The following SYNE1 variants were observed in gnomAD, a reference collection of about 807,000 sequenced individuals.
SYNE1 encodes the protein nesprin-1.
Under a neutral mutation model 1,111.0 loss-of-function variants are expected in SYNE1, and 616 were observed. That is an observed-to-expected ratio of 0.55 (90% confidence interval 0.52 to 0.59). SYNE1 has a LOEUF of 0.59. Among genes scored for constraint, SYNE1 ranks in the 20% least tolerant of loss-of-function variants. The pLI is 0.00. For missense variants in SYNE1, 10,006 were observed against 10,417.0 expected (o/e 0.96, Z 1.72); for synonymous variants, 3,855 against 3,825.8 (o/e 1.01, Z -0.28).
At chr6:152,471,839 A>C in intron 15 of SYNE1, 74 bp from the exon 16 acceptor site, 1 of 1,452,180 alleles carries the variant, frequency 6.9e-7, no homozygotes. Flanking sequence ...AACCTGTTAC[A>C]TGTCAGCCTT....
chr6:152,417,514 A>G (rs2098179438), intron 40 of SYNE1, among the ~76,000 whole-genome samples: 1 of 150,320 alleles, frequency 6.7e-6, no homozygotes, highest in African/African-American at 2.5e-5. Flanking sequence ...ACAAACAAAC[A>G]AACAAACAAA....
At chr6:152,602,796 A>G (rs890159968) in intron 3 of SYNE1, among the ~76,000 whole-genome samples, 7 of 152,204 alleles carry the variant, frequency 4.6e-5, no homozygotes, top group Non-Finnish European at 7.3e-5. Context: ...AGGAAAAAAG[A>G]AAGAAAAAAG....
rs143452760 is a variant in SYNE1 at position 152,244,576 on chromosome 6, C to T, written c.19653G>A (p.Gln6551=). 6.2e-7 allele frequency: 1 copy of T among 1,614,120 alleles called. No homozygotes were observed. The highest frequency in any genetic ancestry group is 8.5e-7 in the Non-Finnish European group (1 of 1,179,976). The change falls in exon 106 of 146, where the codon CAG becomes CAA. Residue 6551 remains glutamine, a synonymous_variant. Coordinates refer to ENST00000367255, the MANE Select transcript of SYNE1 (RefSeq NM_182961.4). Reference sequence around the variant, plus strand: ...GTTCTTGCATGGACGGCTGCTCGACCTGTAGCTTGTCACCACGCCTCTTTA... The same window carrying T: ...GTTCTTGCATGGACGGCTGCTCGACTTGTAGCTTGTCACCACGCCTCTTTA... ...IELKRRGDKL[Q]VEQPSMQELS...
At chr6:152,256,845 T>G (rs1480437637) in intron 101 of SYNE1, 80 bp from the exon 102 acceptor site, 1 of 1,583,714 alleles carries the variant, frequency 6.3e-7, no homozygotes, top group African/African-American at 1.3e-5. Context: ...CATACTGAAA[T>G]AGATGCTGAA....
rs780813424 is a variant in SYNE1, at chr6:152,130,783, T to G, written c.26095-5A>C. 2.5e-6 allele frequency: 4 copies of G among 1,614,140 alleles called. No individual in the cohort carries two copies. The highest frequency in any genetic ancestry group is 3.4e-6 in the Non-Finnish European group (4 of 1,180,014). ...GAGACTACACTTGCCTCGTGGCTGTTTGCAATGAACAGGGGGTAAAGAAAG... is the reference window on the plus strand; with the variant it reads ...GAGACTACACTTGCCTCGTGGCTGTGTGCAATGAACAGGGGGTAAAGAAAG... On this transcript the variant is annotated splice_region_variant and splice_polypyrimidine_tract_variant and intron_variant, in intron 144 of 145. Transcript: ENST00000367255.
intron 49 of SYNE1, 45 bp downstream of exon 49, chr6:152,398,574 T>A: frequency 6.6e-7 from 1 of 1,525,170 alleles, no homozygotes; most frequent in South Asian, 1.1e-5. Context: ...TGCAGGCACC[T>A]GAGTACATTT....
At chr6:152,528,485 A>G (rs772360813) in intron 4 of SYNE1, among the ~76,000 whole-genome samples, 2 of 152,210 alleles carry the variant, frequency 1.3e-5, no homozygotes, top group Non-Finnish European at 2.9e-5. Flanking sequence ...ACTACCTCAC[A>G]TTTAATTTTT....
intron 14 of SYNE1, among the ~76,000 whole-genome samples, chr6:152,482,304 A>G (rs1254165627): frequency 6.6e-6 from 1 of 152,222 alleles, no homozygotes; most frequent in African/African-American, 2.4e-5. Context: ...AGAATACAGG[A>G]CAGTGTATTT....
At chr6:152,587,334 T>C (rs2099543374) in intron 3 of SYNE1, among the ~76,000 whole-genome samples, 1 of 152,196 alleles carries the variant, frequency 6.6e-6, no homozygotes, top group Non-Finnish European at 1.5e-5. Context: ...ACACCATTAT[T>C]CCAAGGGCTA....
chr6:152,352,337 A>C lies in SYNE1; in HGVS notation c.11270T>G (p.Met3757Arg). The C allele has an allele frequency of 6.2e-7, 1 of 1,613,740 alleles. No individual in the cohort carries two copies. Among genetic ancestry groups the C allele is most frequent in the South Asian group, 1.1e-5 (1 of 91,066 alleles). ...TTTCAGCAAACTGTGACCTTTCTCC[A>C]TGTCTTTGAGCAAAACCTGAAAAAG... ...LKTLEVLLKD[M>R]EKGHSLLKSA... The change falls in exon 70 of 146, where the codon ATG becomes AGG. Residue 3757 changes from methionine to arginine, a missense_variant. By Grantham distance (91) the Met-to-Arg change is moderately conservative (BLOSUM62 -1). Transcript: ENST00000367255.
chr6:152,310,542 T>C, intron 88 of SYNE1, 24 bp from the exon 89 acceptor site: 1 of 1,613,854 alleles, frequency 6.2e-7, no homozygotes, highest in Non-Finnish European at 8.5e-7. Flanking sequence ...ATCAATGTAT[T>C]GTACTTGAAG....
chr6:152,171,487 C>T (rs1156588119), intron 130 of SYNE1, among the ~76,000 whole-genome samples: 2 of 152,040 alleles, frequency 1.3e-5, no homozygotes, highest in Admixed American at 6.5e-5. Context: ...CTTAAAATGA[C>T]TGATCACACA....
intron 11 of SYNE1, among the ~76,000 whole-genome samples, chr6:152,493,820 G>A (rs1029026352): frequency 6.6e-6 from 1 of 151,944 alleles, no homozygotes; most frequent in Non-Finnish European, 1.5e-5. Flanking sequence ...GCATAGTTAG[G>A]TACTTTCGCC....
intron 93 of SYNE1, among the ~76,000 whole-genome samples, chr6:152,297,023 T>G (rs1294878580): frequency 6.6e-6 from 1 of 152,212 alleles, no homozygotes; most frequent in Non-Finnish European, 1.5e-5. Context: ...GAAGTATCAG[T>G]TCTGTACACA....
At chr6:152,308,655 A>G (rs1167634238) in intron 90 of SYNE1, 23 bp from the exon 91 acceptor site, 1 of 1,589,250 alleles carries the variant, frequency 6.3e-7, no homozygotes, top group African/African-American at 1.4e-5. Flanking sequence ...AAAAAAACAG[A>G]AAGATAGACA....
chr6:152,364,726 A>G (rs9478327), intron 63 of SYNE1, 121 bp downstream of exon 63: 7,794 of 368,830 alleles, frequency 0.021, 56 homozygotes, highest in Non-Finnish European at 0.028. Flanking sequence ...GGAAGGAAGG[A>G]AGGGAGGAAG....
chr6:152,310,802 A>G lies in SYNE1; in HGVS notation c.16782T>C (p.Thr5594=). 6.2e-7 allele frequency: 1 copy of G among 1,613,974 alleles called. No individual in the cohort carries two copies. The highest frequency in any genetic ancestry group is 8.5e-7 in the Non-Finnish European group (1 of 1,179,976). ...EAMTEKLQYL[T]SVYCTEKMSQ... The stretch of plus-strand genomic sequence containing the variant: ...ACATTTTTTCTGTACAGTACACGCT[A>G]GTGAGGTACTGTAATTTCTCAGTCA... The change falls in exon 88 of 146, where the codon ACT becomes ACC. Residue 5594 remains threonine (T), a synonymous_variant. Coordinates refer to ENST00000367255, the MANE Select transcript of SYNE1 (RefSeq NM_182961.4).
In SYNE1 at chr6:152,337,319, C is replaced by T. The variant is rs528265478; in HGVS notation, c.12352-302G>A. ...TTTTTTTTTTTTTGAGACAGAGTTTCGCTCTTGTTGCCCAGGCTGGAGTGC... is the reference window on the plus strand; with the variant it reads ...TTTTTTTTTTTTTGAGACAGAGTTTTGCTCTTGTTGCCCAGGCTGGAGTGC... On this transcript the variant is annotated intron_variant, in intron 75 of 145. Transcript: ENST00000367255. Among the ~76,000 whole-genome samples, 245 of 149,458 alleles carry T rather than the reference C, an allele frequency of 1.6e-3. 1 individual carries two copies. Among genetic ancestry groups the T allele is most frequent in the Non-Finnish European group, 1.5e-3 (98 of 67,552 alleles).
rs769501814 is a variant in SYNE1 at position 152,367,344 on chromosome 6, G to A, written c.9846C>T (p.His3282=). The change falls in exon 62 of 146, where the codon CAC becomes CAT. Residue 3282 remains histidine, a synonymous_variant. Coordinates refer to ENST00000367255, the MANE Select transcript of SYNE1 (RefSeq NM_182961.4). ...CTTTAATCCCAAGAGAGAACTGATTGTGTTCTGCAACGATTCTATCCAGTC... is the reference window on the plus strand; with the variant it reads ...CTTTAATCCCAAGAGAGAACTGATTATGTTCTGCAACGATTCTATCCAGTC... ...VSRLDRIVAE[H]NQFSLGIKEL... is the part of the protein sequence containing the mutation. 6.2e-7 allele frequency: 1 copy of A among 1,614,126 alleles called. No individual in the cohort carries two copies. Among genetic ancestry groups the A allele is most frequent in the Non-Finnish European group, 8.5e-7 (1 of 1,180,018 alleles).
Sources: allele counts gnomAD v4.1 joint callset (sites outside exome capture counted in the v4.1 genomes callset), GRCh38; gene constraint gnomAD v4.1.1; transcripts MANE v1.5; gene names NCBI Gene and HGNC (gene_info 2026-07-23, HGNC 2026-07-21).